Variants in NCKAP5 observed in about 807,000 individuals in gnomAD.
The protein encoded by NCKAP5 is NCK associated protein 5, also known as nck-associated protein 5.
NCKAP5 carries 92 observed loss-of-function variants against 167.0 expected under a neutral mutation model. The ratio of observed to expected loss-of-function variants is 0.55; its 90% confidence interval spans 0.47 to 0.66. The LOEUF (loss-of-function observed/expected upper bound fraction) is 0.66, where lower values mean the gene tolerates loss of function less well. Among genes scored for constraint, NCKAP5 ranks in the 30% least tolerant of loss-of-function variants. The pLI is 0.00. For synonymous variants in NCKAP5, 891 were observed against 877.4 expected (o/e 1.02, Z -0.27); for missense variants, 2,378 against 2,315.0 (o/e 1.03, Z -0.56).
At chr2:132,841,518 T>C (rs1178472367) in intron 11 of NCKAP5, among the ~76,000 whole-genome samples, 3 of 152,130 alleles carry the variant, frequency 2.0e-5, no homozygotes, top group Non-Finnish European at 4.4e-5. Context: ...CCATTTCATT[T>C]TCACGTCTTA....
chr2:132,736,052 A>G (rs1190408415), intron 16 of NCKAP5, among the ~76,000 whole-genome samples: 3 of 152,190 alleles, frequency 2.0e-5, no homozygotes, highest in Non-Finnish European at 4.4e-5. Flanking sequence ...CCCTGACATT[A>G]AACTCATAAA....
chr2:132,988,635 C>T (rs1027990914), intron 7 of NCKAP5, among the ~76,000 whole-genome samples: 1 of 152,204 alleles, frequency 6.6e-6, no homozygotes. Flanking sequence ...GACAGAGGCT[C>T]TCCAGCCTGC....
intron 8 of NCKAP5, among the ~76,000 whole-genome samples, chr2:132,919,852 G>A (rs1278805184): frequency 1.3e-5 from 2 of 152,136 alleles, no homozygotes; most frequent in African/African-American, 4.8e-5. Context: ...AAGATGCTGA[G>A]TCTATTTTTC....
chr2:133,650,882 A>T, the NCKAP5 span, among the ~76,000 whole-genome samples: 23 of 152,320 alleles, frequency 1.5e-4, no homozygotes, highest in African/African-American at 5.5e-4. Context: ...ACTCTGTCTT[A>T]AATAAACAAA....
At chr2:133,178,395 C>T (rs949486210) in intron 5 of NCKAP5, among the ~76,000 whole-genome samples, 1 of 151,270 alleles carries the variant, frequency 6.6e-6, no homozygotes, top group African/African-American at 2.4e-5. Context: ...GTCTCAGCTA[C>T]TCAGGAGGCT....
chr2:132,688,692 T>G (rs1308136389), intron 19 of NCKAP5, among the ~76,000 whole-genome samples: 8 of 152,086 alleles, frequency 5.3e-5, no homozygotes, highest in African/African-American at 1.9e-4. Context: ...AACACATGAT[T>G]TGGCTCTGAG....
chr2:133,262,204 A>T (rs1372588958), intron 4 of NCKAP5, among the ~76,000 whole-genome samples: 1 of 152,158 alleles, frequency 6.6e-6, no homozygotes, highest in Non-Finnish European at 1.5e-5. Context: ...ACTGGCCCCA[A>T]ATCACATCAA....
intron 6 of NCKAP5, among the ~76,000 whole-genome samples, chr2:132,995,915 A>C (rs1231247828): frequency 6.6e-6 from 1 of 152,182 alleles, no homozygotes; most frequent in Non-Finnish European, 1.5e-5. Flanking sequence ...CAGAGGTTGC[A>C]GTGAGCTGAG....
chr2:132,970,079 A>G (rs1028931514), intron 7 of NCKAP5, among the ~76,000 whole-genome samples: 3 of 152,186 alleles, frequency 2.0e-5, no homozygotes, highest in Non-Finnish European at 2.9e-5. Flanking sequence ...GCGGAGAGAA[A>G]CGTGGCTATA....
intron 3 of NCKAP5, among the ~76,000 whole-genome samples, chr2:133,502,545 A>G (rs939073891): frequency 6.6e-6 from 1 of 152,166 alleles, no homozygotes; most frequent in African/African-American, 2.4e-5. Flanking sequence ...CTTAAAATCT[A>G]TTCAGTCTTC....
chr2:133,340,977 T>A (rs1313278818), intron 3 of NCKAP5, among the ~76,000 whole-genome samples: 1 of 152,232 alleles, frequency 6.6e-6, no homozygotes, highest in Non-Finnish European at 1.5e-5. Context: ...TCTAGTCACC[T>A]GCTTCATACA....
chr2:133,656,375 C>T, the NCKAP5 span, among the ~76,000 whole-genome samples: 1 of 152,100 alleles, frequency 6.6e-6, no homozygotes, highest in African/African-American at 2.4e-5. Flanking sequence ...TTTGCTGTTA[C>T]AACAATGCCT....
At chr2:133,458,452 G>A (rs1046119078) in intron 3 of NCKAP5, among the ~76,000 whole-genome samples, 2 of 151,978 alleles carry the variant, frequency 1.3e-5, no homozygotes, top group African/African-American at 4.8e-5. Flanking sequence ...GTGCAGAGCC[G>A]GTGAAAACTT....
chr2:133,092,435 G>T (rs142389272), intron 6 of NCKAP5, among the ~76,000 whole-genome samples: 2 of 152,276 alleles, frequency 1.3e-5, no homozygotes, highest in Non-Finnish European at 2.9e-5. Flanking sequence ...ACTCAGCCCT[G>T]CCAGCACCTT....
At position 133,104,695 on chromosome 2, in the gene NCKAP5, G is replaced by T. The variant is rs547077907; in HGVS notation, c.341+25283C>A. On this transcript the variant is annotated intron_variant, in intron 6 of 19. Coordinates refer to ENST00000409261, the MANE Select transcript of NCKAP5 (RefSeq NM_207363.3). The stretch of plus-strand genomic sequence containing the variant: ...TTTTACCTACTTATGCAATAACAAA[G>T]GTATCCTTATTCATCCACACATATA... Among the ~76,000 whole-genome samples the T allele has an allele frequency of 2.6e-5, 4 of 152,248 alleles. No homozygotes were observed. In the South Asian group the frequency reaches 6.2e-4, roughly 24 times the overall value.
intron 16 of NCKAP5, among the ~76,000 whole-genome samples, chr2:132,750,724 A>T (rs909010787): frequency 6.6e-6 from 1 of 152,232 alleles, no homozygotes; most frequent in Non-Finnish European, 1.5e-5. Flanking sequence ...AAGGAAAACT[A>T]CAGTGAGTAC....
chr2:133,595,599 T>C, the NCKAP5 span, among the ~76,000 whole-genome samples: 1 of 151,904 alleles, frequency 6.6e-6, no homozygotes, highest in African/African-American at 2.4e-5. Context: ...GCCTGGACTT[T>C]CCTCTGGGGT....
chr2:133,274,606 A>G (rs2150429779), intron 4 of NCKAP5, among the ~76,000 whole-genome samples: 1 of 152,156 alleles, frequency 6.6e-6, no homozygotes, highest in Admixed American at 6.5e-5. Flanking sequence ...CAGGTACCTT[A>G]CTATAAAACA....
chr2:133,176,077 T>C (rs574631031), intron 5 of NCKAP5, among the ~76,000 whole-genome samples: 1 of 152,312 alleles, frequency 6.6e-6, no homozygotes, highest in African/African-American at 2.4e-5. Context: ...GGATCGTCTA[T>C]TCAGTGGAGA....
Sources: gnomAD v4.1 joint callset for allele counts (sites outside exome capture counted in the v4.1 genomes callset) on GRCh38, gnomAD v4.1.1 for gene constraint, MANE v1.5 for transcripts, NCBI Gene and HGNC (gene_info 2026-07-23, HGNC 2026-07-21) for gene names.